LATS2: variants seen among roughly 807,000 people sequenced by gnomAD.
The protein encoded by LATS2 is large tumor suppressor kinase 2.
LATS2 carries 24 observed loss-of-function variants against 76.0 expected under a neutral mutation model. That is an observed-to-expected ratio of 0.32 (90% CI 0.23 to 0.44). The LOEUF is 0.44. Among genes scored for constraint, LATS2 ranks in the 20% least tolerant of loss-of-function variants. The pLI, the probability that LATS2 is intolerant of heterozygous loss-of-function variation, is 1.00. For missense variants in LATS2, 1,286 were observed against 1,481.2 expected (o/e 0.87, Z 2.16); for synonymous variants, 692 against 635.4 (o/e 1.09, Z -1.34).
intron 1 of LATS2, among the ~76,000 whole-genome samples, chr13:21,049,260 GGA>G (rs1873179312): frequency 6.6e-6 from 1 of 152,200 alleles, no homozygotes; most frequent in Non-Finnish European, 1.5e-5. Flanking sequence ...TCAGTGCAGA[GGA>G]TGGGCAGTCA....
At chr13:20,982,992 CAA>C (rs67372854) in intron 5 of LATS2, among the ~76,000 whole-genome samples, 26 of 87,184 alleles carry the variant, frequency 3.0e-4, no homozygotes, top group African/African-American at 1.1e-3. Context: ...AACTCTGTCT[CAA>C]AAAAAAAAAA....
Position 21,019,371 on chromosome 13 carries a change from C to T in LATS2, c.342+26314G>A, listed in dbSNP as rs973623980. ...GACAGAGTTTCACTCTTGTAGCCCA[C>T]GCTGGAGTGCAGTGGCGCAATCTCA... is the stretch of plus-strand genomic sequence containing the variant. On this transcript the variant is annotated intron_variant, in intron 2 of 7. Coordinates refer to ENST00000382592, the MANE Select transcript of LATS2 (RefSeq NM_014572.3). Among the ~76,000 whole-genome samples the T allele has an allele frequency of 4.0e-5, 6 of 149,496 alleles. No individual in the cohort carries two copies. The East Asian group carries it at 7.8e-4, about 20-fold the overall frequency.
chr13:21,049,184 G>A (rs974207996), intron 1 of LATS2, among the ~76,000 whole-genome samples: 4 of 152,314 alleles, frequency 2.6e-5, no homozygotes, highest in Admixed American at 6.5e-5. Context: ...GGTAGTGGGG[G>A]TGTCTCGTGG....
intron 2 of LATS2, among the ~76,000 whole-genome samples, chr13:20,997,803 A>G (rs187950921): frequency 5.9e-5 from 9 of 152,374 alleles, no homozygotes; most frequent in Admixed American, 5.9e-4. Flanking sequence ...TCTAAGCAGC[A>G]GAAGTATTTC....
In LATS2 at chr13:21,007,758, ATAT is replaced by A. The variant is rs1490394765; in HGVS notation, c.343-16357_343-16355del. Reference sequence around the variant, plus strand: ...ATAGTATATATATATATATATATATATATTTTTTTTTTTTTTTTGAGATGGAGT... The same window carrying A: ...ATAGTATATATATATATATATATATATTTTTTTTTTTTTTTGAGATGGAGT... On this transcript the variant is annotated intron_variant, in intron 2 of 7. Coordinates refer to ENST00000382592, the MANE Select transcript of LATS2 (RefSeq NM_014572.3). Among the ~76,000 whole-genome samples, 3 of 5,904 alleles carry A rather than the reference ATAT, an allele frequency of 5.1e-4. 1 individual carries two copies. Among genetic ancestry groups the A allele is most frequent in the African/African-American group, 2.1e-3 (3 of 1,446 alleles). 3.9% of individuals were successfully genotyped at this position (5,904 alleles called of 152,430 possible). A position where few individuals can be genotyped will look rare whatever the true frequency, so the allele number is the denominator to read the frequency against.
intron 1 of LATS2, among the ~76,000 whole-genome samples, chr13:21,049,523 G>A (rs1050110248): frequency 1.3e-5 from 2 of 152,188 alleles, no homozygotes; most frequent in Admixed American, 1.3e-4. Context: ...GATGGCTGAG[G>A]CCCTCCCGGC....
intron 2 of LATS2, among the ~76,000 whole-genome samples, chr13:21,043,958 A>G (rs769522771): frequency 1.3e-5 from 2 of 152,154 alleles, no homozygotes; most frequent in Non-Finnish European, 2.9e-5. Flanking sequence ...TTTCCCCAGG[A>G]CTGCTCCTTC....
intron 2 of LATS2, among the ~76,000 whole-genome samples, chr13:20,997,599 A>G (rs1331152562): frequency 6.6e-6 from 1 of 152,170 alleles, no homozygotes; most frequent in Non-Finnish European, 1.5e-5. Flanking sequence ...CCCTCGGGGA[A>G]GCTGGCCTCA....
chr13:21,023,687 A>C (rs1872174898), intron 2 of LATS2, among the ~76,000 whole-genome samples: 1 of 88,470 alleles, frequency 1.1e-5, no homozygotes, highest in African/African-American at 4.5e-5. Flanking sequence ...AAAAAAACAA[A>C]CCTCGGCCGG....
rs770760278 is a variant in LATS2, at chr13:20,983,339, G to C, written c.2367C>G (p.His789Gln). 2 of 1,614,130 alleles carry C rather than the reference G, an allele frequency of 1.2e-6. No homozygotes were observed. Among genetic ancestry groups the C allele is most frequent in the South Asian group, 2.2e-5 (2 of 91,076 alleles). ...AAATGTTATCAGGCTTGATGTCTCG[G>C]TGGATGAAGCCCATCTTGTGGACAC... ...IESVHKMGFI[H>Q]RDIKPDNILI... The change falls in exon 5 of 8, where the codon CAC becomes CAG. Residue 789 changes from histidine to glutamine, a missense_variant. This residue lies in a region of LATS2 where 247 missense variants were observed against 385.4 expected (regional missense o/e 0.64). Transcript: ENST00000382592.
At chr13:21,032,579 CTTT>C (rs1872568452) in intron 2 of LATS2, among the ~76,000 whole-genome samples, 1 of 151,538 alleles carries the variant, frequency 6.6e-6, no homozygotes, top group Non-Finnish European at 1.5e-5. Flanking sequence ...TTTTTTCGTT[CTTT>C]TTTAAGCCCA....
chr13:21,024,868 T>A (rs183589633), intron 2 of LATS2, among the ~76,000 whole-genome samples: 64 of 152,292 alleles, frequency 4.2e-4, no homozygotes, highest in Non-Finnish European at 2.2e-4. Context: ...TCAATTGAGA[T>A]GAGCCCCATC....
intron 1 of LATS2, among the ~76,000 whole-genome samples, chr13:21,053,119 C>A (rs1036358026): frequency 6.6e-6 from 1 of 150,970 alleles, no homozygotes; most frequent in African/African-American, 2.4e-5. Context: ...CCTATAGTCC[C>A]AGCTACTAGG....
At position 20,991,946 on chromosome 13, in the gene LATS2, C is replaced by T. The variant is rs776666363; in HGVS notation, c.343-542G>A. On this transcript the variant is annotated intron_variant, in intron 2 of 7. Coordinates refer to ENST00000382592, the MANE Select transcript of LATS2 (RefSeq NM_014572.3). The surrounding 1 kb of genome is among the most constrained non-coding windows in gnomAD (Gnocchi z 4.9). Reference sequence around the variant, plus strand: ...AGGACTGGCCCTTAGAGATCTGACTCGTAGAAGAAAGAAAGGAGACAAAAC... The same window carrying T: ...AGGACTGGCCCTTAGAGATCTGACTTGTAGAAGAAAGAAAGGAGACAAAAC... Among the ~76,000 whole-genome samples the T allele has an allele frequency of 1.3e-4, 20 of 152,088 alleles. No homozygotes were observed. The highest frequency in any genetic ancestry group is 2.0e-4 in the Admixed American group (3 of 15,272).
intron 2 of LATS2, among the ~76,000 whole-genome samples, chr13:20,994,600 T>C (rs1378691155): frequency 6.6e-6 from 1 of 152,126 alleles, no homozygotes; most frequent in Non-Finnish European, 1.5e-5. Flanking sequence ...TTCTTAAGCA[T>C]GTATGGAGAC....
At chr13:20,999,684 C>T (rs556813627) in intron 2 of LATS2, among the ~76,000 whole-genome samples, 12 of 152,124 alleles carry the variant, frequency 7.9e-5, no homozygotes, top group South Asian at 2.1e-4. Flanking sequence ...TCTCAAACTC[C>T]GGAGGCCAAG....
In LATS2 at chr13:20,988,004, T is replaced by C; in HGVS notation, c.1776A>G (p.Ser592=). The change falls in exon 4 of 8, where the codon TCA becomes TCG. Residue 592 remains serine, a synonymous_variant. Coordinates refer to ENST00000382592, the MANE Select transcript of LATS2 (RefSeq NM_014572.3). ...CGTATGGCGAGTAGCTCTTGATGCG[T>C]GACTCTCTCTTCTCTTCGTCTCTGC... The part of the protein sequence containing the change: ...KNSRDEEKRE[S]RIKSYSPYAF... 3 of 1,614,276 alleles carry C rather than the reference T, an allele frequency of 1.9e-6. No individual in the cohort carries two copies. The highest frequency in any genetic ancestry group is 2.5e-6 in the Non-Finnish European group (3 of 1,180,048).
chr13:21,021,953 ATC>A (rs1218668262), intron 2 of LATS2, among the ~76,000 whole-genome samples: 2 of 152,162 alleles, frequency 1.3e-5, no homozygotes, highest in African/African-American at 4.8e-5. Flanking sequence ...TACTTAGACT[ATC>A]TGTTTCCACA....
At chr13:21,048,622 A>T (rs978851369) in intron 1 of LATS2, among the ~76,000 whole-genome samples, 1 of 152,078 alleles carries the variant, frequency 6.6e-6, no homozygotes, top group African/African-American at 2.4e-5. Context: ...ATCTGAGGTC[A>T]GGAGTTCGAG....
Sources: allele counts gnomAD v4.1 joint callset (sites outside exome capture counted in the v4.1 genomes callset), GRCh38; gene constraint gnomAD v4.1.1; regional missense constraint gnomAD v4.1.1; non-coding constraint Gnocchi (gnomAD v3.1); transcripts MANE v1.5; gene names NCBI Gene and HGNC (gene_info 2026-07-23, HGNC 2026-07-21).